Variants in SEMA6D observed in about 807,000 individuals in gnomAD.
SEMA6D encodes the protein semaphorin-6D.
SEMA6D carries 35 observed loss-of-function variants against 106.6 expected under a neutral mutation model. The ratio of observed to expected loss-of-function variants is 0.33; its 90% CI spans 0.25 to 0.44. The LOEUF (loss-of-function observed/expected upper bound fraction) is 0.44. Among genes scored for constraint, SEMA6D ranks in the 20% least tolerant of loss-of-function variants. SEMA6D has a pLI of 1.00. For synonymous variants in SEMA6D, 499 were observed against 487.7 expected (o/e 1.02, Z -0.31); for missense variants, 1,185 against 1,345.9 (o/e 0.88, Z 1.87).
At chr15:47,727,296 A>T (rs547449138) in intron 1 of SEMA6D, among the ~76,000 whole-genome samples, 1 of 152,332 alleles carries the variant, frequency 6.6e-6, no homozygotes, top group South Asian at 2.1e-4. Context: ...CAGAGCTCCA[A>T]CATCAATGGG....
At chr15:47,497,772 T>C (rs142174341) in intron 3 of SEMA6D, among the ~76,000 whole-genome samples, 1 of 152,230 alleles carries the variant, frequency 6.6e-6, no homozygotes, top group African/African-American at 2.4e-5. Flanking sequence ...CTGTAAACTG[T>C]AGTACCATAC....
chr15:47,556,676 T>C (rs1053852606), intron 3 of SEMA6D, among the ~76,000 whole-genome samples: 1 of 152,172 alleles, frequency 6.6e-6, no homozygotes, highest in Non-Finnish European at 1.5e-5. Flanking sequence ...AGAAAAATTA[T>C]GCAAAGTCCC....
chr15:47,693,605 A>T (rs1317655362), intron 4 of SEMA6D, among the ~76,000 whole-genome samples: 11 of 152,042 alleles, frequency 7.2e-5, no homozygotes, highest in African/African-American at 2.4e-4. Context: ...GTTTTGAAAA[A>T]TTTCAAATGC....
chr15:47,331,844 A>G (rs898477214), intron 1 of SEMA6D, among the ~76,000 whole-genome samples: 1 of 152,224 alleles, frequency 6.6e-6, no homozygotes, highest in Non-Finnish European at 1.5e-5. Context: ...AAAAACATGC[A>G]AACAGCCAAT....
chr15:47,696,237 T>C (rs868779968), intron 4 of SEMA6D, among the ~76,000 whole-genome samples: 5 of 152,226 alleles, frequency 3.3e-5, no homozygotes, highest in Middle Eastern at 3.4e-3. Flanking sequence ...AATCCACCCA[T>C]TTATAGTATC....
At chr15:47,469,458 C>G (rs1483562088) in intron 2 of SEMA6D, among the ~76,000 whole-genome samples, 2 of 152,020 alleles carry the variant, frequency 1.3e-5, no homozygotes, top group African/African-American at 4.8e-5. Context: ...TCAACCTGTT[C>G]AGTTATATAT....
At chr15:47,513,797 G>C (rs1249609428) in intron 3 of SEMA6D, among the ~76,000 whole-genome samples, 1 of 152,214 alleles carries the variant, frequency 6.6e-6, no homozygotes, top group Non-Finnish European at 1.5e-5. Flanking sequence ...ATTCATAGGT[G>C]ATTCTTCTCT....
chr15:47,201,387 A>G (rs763243899), intron 1 of SEMA6D, among the ~76,000 whole-genome samples: 3 of 152,346 alleles, frequency 2.0e-5, no homozygotes, highest in Non-Finnish European at 4.4e-5. Flanking sequence ...TGCTTTCAAG[A>G]CAAGGAAAGA....
chr15:47,444,225 C>T (rs186730107), intron 2 of SEMA6D, among the ~76,000 whole-genome samples: 78 of 152,272 alleles, frequency 5.1e-4, no homozygotes, highest in African/African-American at 1.5e-3. Context: ...CACCCACACA[C>T]GCAGTTACTA....
chr15:47,231,489 C>G (rs774398456), intron 1 of SEMA6D, among the ~76,000 whole-genome samples: 4 of 151,912 alleles, frequency 2.6e-5, no homozygotes, highest in Non-Finnish European at 5.9e-5. Flanking sequence ...TCACTAAAAT[C>G]CACTTTTCAT....
chr15:47,696,137 C>T (rs1359237452), intron 4 of SEMA6D, among the ~76,000 whole-genome samples: 1 of 152,252 alleles, frequency 6.6e-6, no homozygotes, highest in African/African-American at 2.4e-5. Flanking sequence ...TGGATTACCA[C>T]GGTGATCTGA....
chr15:47,652,968 A>G (rs1333765470), intron 4 of SEMA6D, among the ~76,000 whole-genome samples: 1 of 152,210 alleles, frequency 6.6e-6, no homozygotes, highest in Non-Finnish European at 1.5e-5. Flanking sequence ...TTTGAAACAT[A>G]CAAGAGCCTA....
intron 1 of SEMA6D, among the ~76,000 whole-genome samples, chr15:47,257,685 A>G (rs2033880268): frequency 6.6e-6 from 1 of 151,838 alleles, no homozygotes; most frequent in Admixed American, 6.6e-5. Context: ...GTGTTTTTTT[A>G]GGATAGGATA....
chr15:47,245,847 A>G (rs1446348017), intron 1 of SEMA6D, among the ~76,000 whole-genome samples: 1 of 152,184 alleles, frequency 6.6e-6, no homozygotes, highest in African/African-American at 2.4e-5. Flanking sequence ...ATATCCATCA[A>G]GAAAAAAAAT....
At chr15:47,463,804 CACTCCTT>C (rs2042583577) in intron 2 of SEMA6D, among the ~76,000 whole-genome samples, 1 of 152,168 alleles carries the variant, frequency 6.6e-6, no homozygotes, top group Non-Finnish European at 1.5e-5. Context: ...CACAGAGCTG[CACTCCTT>C]CTAAAGGCTT....
chr15:47,592,568 C>A (rs1434387309), intron 3 of SEMA6D, among the ~76,000 whole-genome samples: 1 of 152,126 alleles, frequency 6.6e-6, no homozygotes, highest in Non-Finnish European at 1.5e-5. Context: ...TGTGATTAGT[C>A]ATTTAACTGT....
intron 3 of SEMA6D, among the ~76,000 whole-genome samples, chr15:47,552,892 A>ATTTT (rs1491362660): frequency 9.6e-5 from 1 of 10,418 alleles, no homozygotes; most frequent in African/African-American, 6.5e-4. Flanking sequence ...ATATATATAA[A>ATTTT]TATATATATA....
At chr15:47,314,215 T>C (rs2036551883) in intron 1 of SEMA6D, among the ~76,000 whole-genome samples, 1 of 152,188 alleles carries the variant, frequency 6.6e-6, no homozygotes, top group Non-Finnish European at 1.5e-5. Flanking sequence ...ATATGATTAT[T>C]TGCTAGCTAT....
chr15:47,271,248 TG>T (rs1247912446), intron 1 of SEMA6D, among the ~76,000 whole-genome samples: 1 of 152,152 alleles, frequency 6.6e-6, no homozygotes, highest in Non-Finnish European at 1.5e-5. Flanking sequence ...CATTAATTAA[TG>T]AGAAACATTT....
Sources: allele counts gnomAD v4.1 joint callset (sites outside exome capture counted in the v4.1 genomes callset), GRCh38; gene constraint gnomAD v4.1.1; transcripts MANE v1.5; gene names NCBI Gene and HGNC (gene_info 2026-07-23, HGNC 2026-07-21).